ADAMTS6: variants seen among roughly 807,000 people sequenced by gnomAD.
ADAMTS6 encodes A disintegrin and metalloproteinase with thrombospondin motifs 6.
In ADAMTS6, 23 loss-of-function variants were observed where a neutral mutation model predicts 144.3. The ratio of observed to expected loss-of-function variants is 0.16; its 90% CI spans 0.11 to 0.23. The LOEUF (loss-of-function observed/expected upper bound fraction) is 0.23. Among genes scored for constraint, ADAMTS6 ranks in the 10% least tolerant of loss-of-function variants. ADAMTS6 has a pLI of 1.00. For missense variants in ADAMTS6, 999 were observed against 1,379.6 expected, an observed-to-expected ratio of 0.72 and a Z score of 4.37; for synonymous variants, 444 against 457.5, an observed-to-expected ratio of 0.97 and a Z score of 0.38.
chr5:65,176,380 G>C (rs1411687628), intron 22 of ADAMTS6, among the ~76,000 whole-genome samples: 1 of 152,042 alleles, frequency 6.6e-6, no homozygotes, highest in East Asian at 1.9e-4. Context: ...AGTTGTATAA[G>C]GAAAGTAAAA....
intron 7 of ADAMTS6, chr5:65,415,672 T>C: frequency 3.8e-6 from 1 of 262,188 alleles, no homozygotes; most frequent in Non-Finnish European, 7.6e-6. Flanking sequence ...GAAGATTATG[T>C]CAGTGCAGAA....
At chr5:65,191,888 C>T (rs1229796700) in intron 21 of ADAMTS6, among the ~76,000 whole-genome samples, 1 of 152,000 alleles carries the variant, frequency 6.6e-6, no homozygotes, top group Admixed American at 6.6e-5. Flanking sequence ...TATCAAAGTG[C>T]CACCAGACAT....
chr5:65,293,608 A>C (rs1742541445), intron 10 of ADAMTS6, among the ~76,000 whole-genome samples: 1 of 152,152 alleles, frequency 6.6e-6, no homozygotes. Flanking sequence ...TTAACCCAGA[A>C]GGAAGCAAGA....
intron 15 of ADAMTS6, among the ~76,000 whole-genome samples, chr5:65,241,010 A>C (rs186367919): frequency 6.6e-6 from 1 of 152,296 alleles, no homozygotes; most frequent in African/African-American, 2.4e-5. Context: ...ACTTAGAGGA[A>C]AGTACATTAA....
chr5:65,376,152 C>CAT (rs1751514608), intron 7 of ADAMTS6, among the ~76,000 whole-genome samples: 1 of 152,000 alleles, frequency 6.6e-6, no homozygotes, highest in Non-Finnish European at 1.5e-5. Context: ...GGGAGATGTA[C>CAT]CTAATGCTAG....
At chr5:65,229,020 A>G (rs1366773209) in intron 15 of ADAMTS6, among the ~76,000 whole-genome samples, 4 of 152,138 alleles carry the variant, frequency 2.6e-5, no homozygotes, top group African/African-American at 7.2e-5. Context: ...TTCTCCCCCA[A>G]CTGCTGTAGG....
At position 65,158,442 on chromosome 5, in the gene ADAMTS6, C is replaced by T. The variant is rs903370575; in HGVS notation, c.3245-6497G>A. ...CCAGCCCATGGCACACCATGAATCA[C>T]GACCTGACAGCAATAAATACTCTGT... On this transcript the variant is annotated intron_variant, in intron 24 of 24. Coordinates refer to ENST00000381055, the MANE Select transcript of ADAMTS6 (RefSeq NM_197941.4). Among the ~76,000 whole-genome samples, 7 of 152,280 alleles carry T rather than the reference C, an allele frequency of 4.6e-5. No individual in the cohort carries two copies. In the South Asian group the frequency reaches 8.3e-4, roughly 18 times the overall value.
At chr5:65,327,748 G>A (rs1254164363) in intron 9 of ADAMTS6, among the ~76,000 whole-genome samples, 1 of 152,110 alleles carries the variant, frequency 6.6e-6, no homozygotes, top group African/African-American at 2.4e-5. Flanking sequence ...TACAAAGAAA[G>A]ATAAACCCTT....
intron 24 of ADAMTS6, among the ~76,000 whole-genome samples, chr5:65,169,973 A>G (rs1241153106): frequency 1.3e-5 from 2 of 151,902 alleles, no homozygotes; most frequent in African/African-American, 4.8e-5. Context: ...CCAGCATGGC[A>G]CATGTATACA....
intron 24 of ADAMTS6, among the ~76,000 whole-genome samples, chr5:65,163,528 C>G (rs1752918375): frequency 6.6e-6 from 1 of 152,162 alleles, no homozygotes; most frequent in South Asian, 2.1e-4. Context: ...CATACAAGAT[C>G]ACTTTCTTAA....
At chr5:65,362,712 C>T (rs1350444713) in intron 7 of ADAMTS6, among the ~76,000 whole-genome samples, 1 of 151,936 alleles carries the variant, frequency 6.6e-6, no homozygotes, top group African/African-American at 2.4e-5. Context: ...TTTTCTTTTC[C>T]CCTGTTAACC....
At chr5:65,229,468 G>C (rs1757971944) in intron 15 of ADAMTS6, among the ~76,000 whole-genome samples, 1 of 152,068 alleles carries the variant, frequency 6.6e-6, no homozygotes, top group Non-Finnish European at 1.5e-5. Context: ...CAAAGACATG[G>C]AGCTCTATGA....
chr5:65,344,085 T>C (rs1748100911), intron 7 of ADAMTS6, among the ~76,000 whole-genome samples: 1 of 152,120 alleles, frequency 6.6e-6, no homozygotes, highest in East Asian at 1.9e-4. Flanking sequence ...TATTTTTTAT[T>C]GGAAAGCATA....
At chr5:65,202,141 G>C (rs1366286285) in intron 20 of ADAMTS6, among the ~76,000 whole-genome samples, 1 of 152,192 alleles carries the variant, frequency 6.6e-6, no homozygotes, top group African/African-American at 2.4e-5. Context: ...CTTCTGAAGA[G>C]CCTCCTGCTA....
At chr5:65,243,378 T>A (rs575786023) in intron 14 of ADAMTS6, among the ~76,000 whole-genome samples, 38 of 152,102 alleles carry the variant, frequency 2.5e-4, no homozygotes, top group Non-Finnish European at 5.0e-4. Flanking sequence ...GTGCAAATAT[T>A]TGCATGGTCA....
At chr5:65,274,693 T>C (rs1453654391) in intron 11 of ADAMTS6, among the ~76,000 whole-genome samples, 2 of 139,692 alleles carry the variant, frequency 1.4e-5, no homozygotes, top group Non-Finnish European at 3.2e-5. Context: ...TGTTTGTTTG[T>C]TTGTTTTCTG....
chr5:65,460,036 A>T, intron 4 of ADAMTS6, 134 bp downstream of exon 4: 1 of 904,348 alleles, frequency 1.1e-6, no homozygotes, highest in Non-Finnish European at 1.5e-6. Flanking sequence ...GACATCTATT[A>T]AAAGGGCTCT....
At chr5:65,285,750 C>T (rs75623669) in intron 11 of ADAMTS6, among the ~76,000 whole-genome samples, 3,107 of 151,992 alleles carry the variant, frequency 0.02, 44 homozygotes, top group African/African-American at 0.034. Flanking sequence ...TGTGTGTGCA[C>T]GTGGATGTAC....
intron 9 of ADAMTS6, among the ~76,000 whole-genome samples, chr5:65,315,081 A>G (rs1226037985): frequency 2.0e-5 from 3 of 152,132 alleles, no homozygotes; most frequent in Admixed American, 6.5e-5. Context: ...GATATAAAAG[A>G]TAACTATTTA....
Sources: gnomAD v4.1 joint callset for allele counts (sites outside exome capture counted in the v4.1 genomes callset) on GRCh38, gnomAD v4.1.1 for gene constraint, MANE v1.5 for transcripts, NCBI Gene and HGNC (gene_info 2026-07-23, HGNC 2026-07-21) for gene names.